Variants in PIP5K1B observed in about 807,000 individuals in gnomAD.
The protein encoded by PIP5K1B is phosphatidylinositol 4-phosphate 5-kinase type-1 beta.
In PIP5K1B, 42 loss-of-function variants were observed where a neutral mutation model predicts 67.0. That is an observed-to-expected ratio of 0.63 (90% CI 0.49 to 0.81). The LOEUF (loss-of-function observed/expected upper bound fraction) is 0.81, where lower values mean the gene tolerates loss of function less well. PIP5K1B is among the 30% of genes least tolerant of loss of function. The pLI is 0.00. For missense variants in PIP5K1B, 459 were observed against 646.3 expected (o/e 0.71, Z 3.14); for synonymous variants, 214 against 231.4 (o/e 0.92, Z 0.68).
In PIP5K1B at chr9:68,917,534, T is replaced by C; in HGVS notation, c.772-14T>C. 6.2e-7 allele frequency: 1 copy of C among 1,605,434 alleles called. No individual in the cohort carries two copies. The highest frequency in any genetic ancestry group is 8.5e-7 in the Non-Finnish European group (1 of 1,172,238). On this transcript the variant is annotated splice_polypyrimidine_tract_variant and intron_variant, in intron 8 of 15. Coordinates refer to ENST00000265382, the MANE Select transcript of PIP5K1B (RefSeq NM_003558.4). ...TTTGGGTTGACTGGCTTCCTGGTTC[T>C]TTTTCTCATTCAGGTGCTAGAAAGC... is the stretch of plus-strand genomic sequence containing the variant.
intron 13 of PIP5K1B, among the ~76,000 whole-genome samples, chr9:68,940,444 A>G (rs990816328): frequency 7.9e-5 from 12 of 152,116 alleles, no homozygotes; most frequent in African/African-American, 2.7e-4. Context: ...AATTAATGCA[A>G]TTTCCTTCCT....
chr9:68,853,126 A>G (rs1039133130), intron 4 of PIP5K1B, among the ~76,000 whole-genome samples: 1 of 152,210 alleles, frequency 6.6e-6, no homozygotes, highest in African/African-American at 2.4e-5. Flanking sequence ...TGGCAGTCAC[A>G]TGGCAGGTGG....
At chr9:68,965,285 A>G (rs1017909064) in intron 14 of PIP5K1B, among the ~76,000 whole-genome samples, 2 of 152,204 alleles carry the variant, frequency 1.3e-5, no homozygotes, top group Non-Finnish European at 2.9e-5. Context: ...CTGTGATTTA[A>G]TTTGAAAGTC....
intron 1 of PIP5K1B, among the ~76,000 whole-genome samples, chr9:68,723,234 A>G (rs559598312): frequency 6.6e-6 from 1 of 152,126 alleles, no homozygotes; most frequent in Non-Finnish European, 1.5e-5. Context: ...TTGTGCATTC[A>G]TCCACTGATG....
At chr9:68,760,033 A>G (rs1393555992) in intron 2 of PIP5K1B, among the ~76,000 whole-genome samples, 1 of 152,124 alleles carries the variant, frequency 6.6e-6, no homozygotes, top group Non-Finnish European at 1.5e-5. Flanking sequence ...TTAAGACATT[A>G]GGAGATCTGG....
At chr9:68,745,818 G>T (rs558983274) in intron 2 of PIP5K1B, among the ~76,000 whole-genome samples, 4 of 152,152 alleles carry the variant, frequency 2.6e-5, no homozygotes, top group African/African-American at 4.8e-5. Flanking sequence ...TTCTGTTACC[G>T]CAATTCCCTT....
At chr9:68,711,503 G>A (rs893535938) in intron 1 of PIP5K1B, among the ~76,000 whole-genome samples, 1 of 152,222 alleles carries the variant, frequency 6.6e-6, no homozygotes, top group Non-Finnish European at 1.5e-5. Flanking sequence ...CTGGCAGGTG[G>A]TGAGGATTTA....
chr9:69,006,083 G>C (rs1831064821), intron 15 of PIP5K1B, among the ~76,000 whole-genome samples: 3 of 151,944 alleles, frequency 2.0e-5, no homozygotes, highest in African/African-American at 7.2e-5. Flanking sequence ...TAGAGACAGG[G>C]TCTCACTATG....
chr9:68,965,339 G>A (rs529166282), intron 14 of PIP5K1B, among the ~76,000 whole-genome samples: 11 of 152,158 alleles, frequency 7.2e-5, no homozygotes, highest in Middle Eastern at 3.2e-3. Flanking sequence ...AAAGGCTAAC[G>A]TTCTAATAGA....
intron 12 of PIP5K1B, among the ~76,000 whole-genome samples, chr9:68,934,552 G>A (rs762338171): frequency 5.3e-5 from 8 of 152,138 alleles, no homozygotes; most frequent in Non-Finnish European, 8.8e-5. Context: ...GAAAAACATT[G>A]TTTGGAGAGG....
intron 1 of PIP5K1B, among the ~76,000 whole-genome samples, chr9:68,725,526 C>T (rs1395891932): frequency 3.3e-5 from 5 of 152,046 alleles, no homozygotes; most frequent in Non-Finnish European, 5.9e-5. Flanking sequence ...CCATTATAGC[C>T]CACGAGTAAG....
At chr9:68,939,266 T>C (rs1827434666) in intron 13 of PIP5K1B, among the ~76,000 whole-genome samples, 1 of 152,186 alleles carries the variant, frequency 6.6e-6, no homozygotes, top group South Asian at 2.1e-4. Context: ...TGAGACTGAG[T>C]CACTGGACAG....
intron 1 of PIP5K1B, among the ~76,000 whole-genome samples, chr9:68,738,243 A>G (rs575260386): frequency 6.6e-6 from 1 of 152,374 alleles, no homozygotes; most frequent in Admixed American, 6.5e-5. Flanking sequence ...GGTACATTTA[A>G]CAGAAATAAT....
intron 15 of PIP5K1B, among the ~76,000 whole-genome samples, chr9:69,001,890 C>T (rs1830837748): frequency 6.6e-6 from 1 of 152,224 alleles, no homozygotes; most frequent in Admixed American, 6.5e-5. Context: ...CTGATGCTCT[C>T]AGGCTTCTCT....
At chr9:68,782,465 A>T (rs1587439936) in intron 2 of PIP5K1B, 1 of 167,122 alleles carries the variant, frequency 6.0e-6, no homozygotes, top group South Asian at 2.1e-4. Flanking sequence ...CCTTAACTAG[A>T]TAGTTTGACA....
rs182186136 is a variant in PIP5K1B, at chr9:68,920,841, T to C, written c.1116+1112T>C. Among the ~76,000 whole-genome samples the C allele has an allele frequency of 5.9e-4, 82 of 138,270 alleles. No individual in the cohort carries two copies. In the East Asian group the frequency reaches 0.011, roughly 19 times the overall value. 90.7% of individuals were successfully genotyped at this position (138,270 alleles called of 152,430 possible). On this transcript the variant is annotated intron_variant, in intron 11 of 15. Coordinates refer to ENST00000265382, the MANE Select transcript of PIP5K1B (RefSeq NM_003558.4). The stretch of plus-strand genomic sequence containing the variant: ...ACACACACACACACACGCAGTCCCA[T>C]CTAGACATTAGATTTCTACTTCCTG...
intron 1 of PIP5K1B, among the ~76,000 whole-genome samples, chr9:68,739,677 C>T (rs954653889): frequency 1.3e-5 from 2 of 152,336 alleles, no homozygotes; most frequent in East Asian, 1.9e-4. Flanking sequence ...TCCTCCAGCT[C>T]CTTCCACTGA....
chr9:68,860,100 G>C (rs1362926586), intron 4 of PIP5K1B, among the ~76,000 whole-genome samples: 1 of 152,020 alleles, frequency 6.6e-6, no homozygotes, highest in African/African-American at 2.4e-5. Context: ...TACGATCATT[G>C]TTATTAATGT....
At position 69,008,443 on chromosome 9, in the gene PIP5K1B, C is replaced by A. The variant is rs760526631; in HGVS notation, c.1621-4C>A. ...TCTCACACCTGCTTTTTTGCTCCCC[C>A]CAGTAAGTGAAAATGGTGATCACCT... On this transcript the variant is annotated splice_region_variant and splice_polypyrimidine_tract_variant and intron_variant, in intron 15 of 15. Coordinates refer to ENST00000265382, the MANE Select transcript of PIP5K1B (RefSeq NM_003558.4). The A allele has an allele frequency of 4.3e-5, 69 of 1,613,646 alleles. No individual in the cohort carries two copies. Among genetic ancestry groups the A allele is most frequent in the Non-Finnish European group, 5.6e-5 (66 of 1,179,720 alleles).
Sources: allele counts gnomAD v4.1 joint callset (sites outside exome capture counted in the v4.1 genomes callset), GRCh38; gene constraint gnomAD v4.1.1; transcripts MANE v1.5; gene names NCBI Gene and HGNC (gene_info 2026-07-23, HGNC 2026-07-21).